Variants in DACH1 observed in about 807,000 individuals in gnomAD.
DACH1 encodes the protein dachshund family transcription factor 1.
DACH1 carries 12 observed loss-of-function variants against 54.2 expected under a neutral mutation model. The ratio of observed to expected loss-of-function variants is 0.22; its 90% CI spans 0.14 to 0.36. The LOEUF (loss-of-function observed/expected upper bound fraction) is 0.36. Ranked by LOEUF, DACH1 falls within the 10% of genes least tolerant of loss-of-function variation. DACH1 has a pLI of 1.00. For missense variants in DACH1, 805 were observed against 929.8 expected (o/e 0.87, Z 1.75); for synonymous variants, 386 against 366.2 (o/e 1.05, Z -0.62).
chr13:71,816,079 C>T (rs1276587193), intron 1 of DACH1, among the ~76,000 whole-genome samples: 2 of 150,150 alleles, frequency 1.3e-5, no homozygotes, highest in Non-Finnish European at 2.9e-5. Flanking sequence ...AGCGAGACTC[C>T]GTCTCCAAAA....
At chr13:71,571,000 A>G (rs1302094263) in intron 4 of DACH1, among the ~76,000 whole-genome samples, 1 of 152,202 alleles carries the variant, frequency 6.6e-6, no homozygotes, top group Non-Finnish European at 1.5e-5. Flanking sequence ...ATGCAGGAAT[A>G]TGTAAGCCAT....
intron 1 of DACH1, among the ~76,000 whole-genome samples, chr13:71,813,577 C>T (rs528705147): frequency 6.6e-6 from 1 of 152,198 alleles, no homozygotes; most frequent in African/African-American, 2.4e-5. Flanking sequence ...GACAGTACAA[C>T]TGGGAAAATA....
At chr13:71,778,459 A>G (rs911849385) in intron 1 of DACH1, among the ~76,000 whole-genome samples, 16 of 152,158 alleles carry the variant, frequency 1.1e-4, no homozygotes, top group African/African-American at 3.4e-4. Flanking sequence ...AGAGCACTCA[A>G]TAGTTTTAAA....
chr13:71,817,677 A>G (rs1221017592), intron 1 of DACH1, among the ~76,000 whole-genome samples: 7 of 152,326 alleles, frequency 4.6e-5, no homozygotes, highest in African/African-American at 1.7e-4. Context: ...ATATTTGTTT[A>G]TATTGACTAC....
At chr13:71,512,487 A>C (rs1451328118) in intron 6 of DACH1, among the ~76,000 whole-genome samples, 2 of 151,944 alleles carry the variant, frequency 1.3e-5, no homozygotes, top group African/African-American at 4.8e-5. Flanking sequence ...AGAAAGTAAA[A>C]TGTCAACTCT....
intron 1 of DACH1, among the ~76,000 whole-genome samples, chr13:71,805,012 T>C (rs1887438297): frequency 6.6e-6 from 1 of 152,184 alleles, no homozygotes; most frequent in Non-Finnish European, 1.5e-5. Context: ...CATGTGTCTA[T>C]TTAAATTAAA....
intron 6 of DACH1, among the ~76,000 whole-genome samples, chr13:71,516,727 C>T (rs1483845701): frequency 2.6e-5 from 4 of 151,794 alleles, no homozygotes; most frequent in Non-Finnish European, 5.9e-5. Flanking sequence ...AACGCACAGA[C>T]GTCTGCCAAG....
At chr13:71,458,703 C>T (rs971445585) in intron 10 of DACH1, among the ~76,000 whole-genome samples, 5 of 151,818 alleles carry the variant, frequency 3.3e-5, no homozygotes, top group African/African-American at 9.7e-5. Context: ...GACACACATA[C>T]ACATGATATA....
intron 1 of DACH1, among the ~76,000 whole-genome samples, chr13:71,818,564 C>T (rs939526172): frequency 6.6e-6 from 1 of 152,160 alleles, no homozygotes; most frequent in Non-Finnish European, 1.5e-5. Context: ...GACCCTTGTC[C>T]AAATCACCAT....
chr13:71,769,644 C>T (rs1231065598), intron 1 of DACH1, among the ~76,000 whole-genome samples: 1 of 151,488 alleles, frequency 6.6e-6, no homozygotes. Flanking sequence ...ATCAGCATAC[C>T]AAGATTTTAA....
At chr13:71,624,986 C>G (rs1021577852) in intron 3 of DACH1, among the ~76,000 whole-genome samples, 17 of 151,900 alleles carry the variant, frequency 1.1e-4, no homozygotes, top group African/African-American at 3.6e-4. Flanking sequence ...GAAAAAATTG[C>G]TATACCTGCC....
intron 1 of DACH1, among the ~76,000 whole-genome samples, chr13:71,855,371 A>G (rs17791181): frequency 0.082 from 12,392 of 152,030 alleles, 840 homozygotes; most frequent in Admixed American, 0.23. Context: ...TGTATACAAC[A>G]TTGAGAGCAA....
At chr13:71,826,954 A>C (rs1888407374) in intron 1 of DACH1, among the ~76,000 whole-genome samples, 2 of 152,078 alleles carry the variant, frequency 1.3e-5, no homozygotes, top group African/African-American at 4.8e-5. Context: ...ACAATTACGT[A>C]TGTACAGGAT....
intron 1 of DACH1, among the ~76,000 whole-genome samples, chr13:71,789,735 G>A (rs1013707111): frequency 3.3e-5 from 5 of 152,072 alleles, no homozygotes; most frequent in African/African-American, 1.2e-4. Context: ...TGGGAAACAT[G>A]TAAATTGCAT....
chr13:71,759,443 C>G (rs1220864405), intron 1 of DACH1, among the ~76,000 whole-genome samples: 2 of 152,084 alleles, frequency 1.3e-5, no homozygotes, highest in African/African-American at 2.4e-5. Context: ...GTGAGAAATT[C>G]CAGTTAACTT....
chr13:71,822,656 T>G (rs1424020709), intron 1 of DACH1, among the ~76,000 whole-genome samples: 1 of 152,176 alleles, frequency 6.6e-6, no homozygotes, highest in African/African-American at 2.4e-5. Context: ...ATATACTCAA[T>G]CAAACCTGAA....
At chr13:71,864,967 A>G (rs997196898) in intron 1 of DACH1, among the ~76,000 whole-genome samples, 38 of 152,162 alleles carry the variant, frequency 2.5e-4, no homozygotes, top group African/African-American at 7.5e-4. Flanking sequence ...GAAAGACAGA[A>G]AGAAAACACA....
At chr13:71,823,844 C>A (rs903789474) in intron 1 of DACH1, among the ~76,000 whole-genome samples, 60 of 152,030 alleles carry the variant, frequency 3.9e-4, no homozygotes, top group African/African-American at 1.4e-3. Context: ...TGACGTTTTA[C>A]TATCTGCAAA....
chr13:71,700,971 C>T (rs1048517694), intron 1 of DACH1, among the ~76,000 whole-genome samples: 1 of 151,990 alleles, frequency 6.6e-6, no homozygotes, highest in African/African-American at 2.4e-5. Context: ...AACCTTTCCC[C>T]AATTATAGAA....
Sources: allele counts gnomAD v4.1 joint callset (sites outside exome capture counted in the v4.1 genomes callset), GRCh38; gene constraint gnomAD v4.1.1; transcripts MANE v1.5; gene names NCBI Gene and HGNC (gene_info 2026-07-23, HGNC 2026-07-21).